Variants in EPHA6 observed in about 807,000 individuals in gnomAD.
EPHA6 encodes the protein EPH receptor A6.
Under a neutral mutation model 112.0 loss-of-function variants are expected in EPHA6, and 50 were observed. The ratio of observed to expected loss-of-function variants is 0.45; its 90% CI spans 0.36 to 0.56. The LOEUF is 0.56. Ranked by LOEUF, EPHA6 falls within the 20% of genes least tolerant of loss-of-function variation. The probability of loss-of-function intolerance (pLI) is 0.00; values close to 1 mark genes in which losing one functional copy is unlikely to be tolerated. For missense variants in EPHA6, 1,280 were observed against 1,417.4 expected (o/e 0.90, Z 1.56); for synonymous variants, 529 against 490.7 (o/e 1.08, Z -1.03).
intron 3 of EPHA6, among the ~76,000 whole-genome samples, chr3:97,159,672 G>C (rs776523998): frequency 2.6e-5 from 4 of 152,110 alleles, no homozygotes; most frequent in Admixed American, 6.6e-5. Flanking sequence ...CCACTATTCT[G>C]TCAAGCCAGC....
intron 5 of EPHA6, among the ~76,000 whole-genome samples, chr3:97,386,868 A>G (rs1220870375): frequency 1.3e-5 from 2 of 152,190 alleles, no homozygotes; most frequent in Non-Finnish European, 2.9e-5. Flanking sequence ...TCTAGGCAGA[A>G]GCTCTCTAGT....
chr3:96,986,949 A>G (rs1399324585), intron 2 of EPHA6, among the ~76,000 whole-genome samples: 1 of 152,214 alleles, frequency 6.6e-6, no homozygotes, highest in Admixed American at 6.5e-5. Context: ...CTGATAAGAT[A>G]ATGGATGCTA....
chr3:97,162,993 C>T (rs2076452253), intron 3 of EPHA6, among the ~76,000 whole-genome samples: 1 of 152,102 alleles, frequency 6.6e-6, no homozygotes, highest in Non-Finnish European at 1.5e-5. Flanking sequence ...GTGTATCAGC[C>T]CCTGCTGCCC....
intron 3 of EPHA6, among the ~76,000 whole-genome samples, chr3:97,093,289 C>G (rs1289887583): frequency 6.6e-6 from 1 of 152,164 alleles, no homozygotes; most frequent in African/African-American, 2.4e-5. Flanking sequence ...TGGCTCACTC[C>G]TGTAATCCCA....
At chr3:97,324,411 T>TTCTTTCTTTCTTTCTTTC (rs2082276137) in intron 5 of EPHA6, among the ~76,000 whole-genome samples, 10 of 117,326 alleles carry the variant, frequency 8.5e-5, no homozygotes, top group African/African-American at 3.3e-4. Context: ...CTTCTTTTCT[T>TTCTTTCTTTCTTTCTTTC]TCTTTCTTTC....
rs1176876254 is a variant in EPHA6 at position 97,367,336 on chromosome 3, G to T, written c.1607-37814G>T. On this transcript the variant is annotated intron_variant, in intron 5 of 17. Coordinates refer to ENST00000389672, the MANE Select transcript of EPHA6 (RefSeq NM_001080448.3). The stretch of plus-strand genomic sequence containing the variant: ...AAAACCAGGTCACATGCTCAACCCC[G>T]GCCTATTCTGCAGCCGTATTGGAGA... Among the ~76,000 whole-genome samples, 4 of 152,068 alleles carry T rather than the reference G, an allele frequency of 2.6e-5. No homozygotes were observed. The South Asian group carries it at 8.3e-4, about 32-fold the overall frequency.
At chr3:96,851,835 A>G (rs988366431) in intron 1 of EPHA6, among the ~76,000 whole-genome samples, 6 of 151,000 alleles carry the variant, frequency 4.0e-5, no homozygotes, top group African/African-American at 1.2e-4. Context: ...GAATGGTGAG[A>G]AAAAAAAACG....
At chr3:97,619,433 A>AGG (rs34766006) in intron 13 of EPHA6, among the ~76,000 whole-genome samples, 2,903 of 112,984 alleles carry the variant, frequency 0.026, 108 homozygotes, top group Non-Finnish European at 0.041. Context: ...CAATAGAAAA[A>AGG]GGGGGGGGGG....
chr3:97,068,608 G>GTAC (rs2046254334), intron 3 of EPHA6, among the ~76,000 whole-genome samples: 1 of 151,514 alleles, frequency 6.6e-6, no homozygotes, highest in African/African-American at 2.4e-5. Context: ...TGAGGAACAT[G>GTAC]TACACACTCA....
chr3:97,675,690 G>C (rs2031307692), intron 14 of EPHA6, among the ~76,000 whole-genome samples: 1 of 151,974 alleles, frequency 6.6e-6, no homozygotes, highest in African/African-American at 2.4e-5. Flanking sequence ...TATCTTATAA[G>C]AATAACATTA....
At chr3:97,116,432 T>TTATTA (rs1371051714) in intron 3 of EPHA6, among the ~76,000 whole-genome samples, 12 of 151,712 alleles carry the variant, frequency 7.9e-5, no homozygotes, top group Admixed American at 3.3e-4. Context: ...ATAGTCATCA[T>TTATTA]ACTTTACAGT....
intron 3 of EPHA6, among the ~76,000 whole-genome samples, chr3:97,004,262 G>A (rs9850372): frequency 0.1 from 15,566 of 152,054 alleles, 2,426 homozygotes; most frequent in African/African-American, 0.34. Context: ...TCACACCAAC[G>A]ATGTAAAAGC....
chr3:97,525,818 T>C (rs1424386334), intron 10 of EPHA6, among the ~76,000 whole-genome samples: 1 of 152,176 alleles, frequency 6.6e-6, no homozygotes, highest in African/African-American at 2.4e-5. Flanking sequence ...CTGGGCAGAC[T>C]GAACTGTCTC....
At chr3:97,688,289 C>T (rs2032400011) in intron 14 of EPHA6, among the ~76,000 whole-genome samples, 1 of 151,932 alleles carries the variant, frequency 6.6e-6, no homozygotes, top group African/African-American at 2.4e-5. Flanking sequence ...GTCTTTCATG[C>T]CTTCAACCTA....
Position 97,296,390 on chromosome 3 carries a change from C to T in EPHA6, c.1606+52103C>T, listed in dbSNP as rs535303783. On this transcript the variant is annotated intron_variant, in intron 5 of 17. Coordinates refer to ENST00000389672, the MANE Select transcript of EPHA6 (RefSeq NM_001080448.3). ...AGGGAAGGTATGCCTGTTCTGTTTT[C>T]CTGGTGATGCGGATGGGTACAGGCT... Among the ~76,000 whole-genome samples, 3 of 152,242 alleles carry T rather than the reference C, an allele frequency of 2.0e-5. No individual in the cohort carries two copies. The South Asian group carries it at 6.2e-4, about 32-fold the overall frequency.
intron 2 of EPHA6, among the ~76,000 whole-genome samples, chr3:96,898,715 CACAG>C (rs1224588604): frequency 6.6e-6 from 1 of 151,936 alleles, no homozygotes; most frequent in Non-Finnish European, 1.5e-5. Context: ...GACAAATAAT[CACAG>C]ACTGATTGGC....
intron 11 of EPHA6, among the ~76,000 whole-genome samples, chr3:97,558,528 C>A (rs72930179): frequency 0.016 from 2,460 of 152,042 alleles, 54 homozygotes; most frequent in African/African-American, 0.051. Context: ...TCCCCCTTTC[C>A]CCCATTCTCT....
chr3:97,594,816 C>G (rs1173816481), intron 12 of EPHA6, among the ~76,000 whole-genome samples: 6 of 152,144 alleles, frequency 3.9e-5, no homozygotes, highest in Non-Finnish European at 8.8e-5. Flanking sequence ...CTCCCATGGC[C>G]CATACTATGA....
At chr3:96,882,890 C>A (rs760070598) in intron 2 of EPHA6, among the ~76,000 whole-genome samples, 2 of 152,034 alleles carry the variant, frequency 1.3e-5, no homozygotes, top group Non-Finnish European at 2.9e-5. Context: ...TATAAACATG[C>A]GTGTGCGAGT....
Sources: allele counts gnomAD v4.1 joint callset (sites outside exome capture counted in the v4.1 genomes callset), GRCh38; gene constraint gnomAD v4.1.1; transcripts MANE v1.5; gene names NCBI Gene and HGNC (gene_info 2026-07-23, HGNC 2026-07-21).